HS2ST1: variants seen among roughly 807,000 people sequenced by gnomAD.
HS2ST1 encodes 2-O-sulfotransferase.
In HS2ST1, 18 loss-of-function variants were observed where a neutral mutation model predicts 42.9. That is an observed-to-expected ratio of 0.42 (90% CI 0.29 to 0.62). The LOEUF is 0.62. HS2ST1 is among the 20% of genes least tolerant of loss of function. The pLI, the probability that HS2ST1 is intolerant of heterozygous loss-of-function variation, is 0.21. For synonymous variants in HS2ST1, 146 were observed against 152.9 expected, an observed-to-expected ratio of 0.95 and a Z score of 0.33; for missense variants, 334 against 433.8, an observed-to-expected ratio of 0.77 and a Z score of 2.04.
chr1:86,976,612 A>G (rs1036392391), intron 1 of HS2ST1, among the ~76,000 whole-genome samples: 1 of 150,416 alleles, frequency 6.6e-6, no homozygotes, highest in Non-Finnish European at 1.5e-5. Flanking sequence ...AACATATTCA[A>G]ATTAAATGCT....
rs1016957050 is a variant in HS2ST1 at position 86,914,730 on chromosome 1, G to T, written c.-307G>T. On this transcript the variant is annotated 5_prime_UTR_variant, in exon 1 of 7. Coordinates refer to ENST00000370550, the MANE Select transcript of HS2ST1 (RefSeq NM_012262.4). Reference sequence around the variant, plus strand: ...GGCGGGCAAGCAGGCGGGCGCGGGGGTCGGGGACTGAGGCAGTAGAGGGAG... The same window carrying T: ...GGCGGGCAAGCAGGCGGGCGCGGGGTTCGGGGACTGAGGCAGTAGAGGGAG... 12 of 375,972 alleles carry T rather than the reference G, an allele frequency of 3.2e-5. No individual in the cohort carries two copies. The highest frequency in any genetic ancestry group is 5.3e-5 in the Non-Finnish European group (11 of 206,114). The allele number at this position is 375,972 out of a possible 1,614,324, so 23.3% of individuals were successfully genotyped here.
intron 1 of HS2ST1, chr1:87,045,498 C>T: frequency 4.4e-6 from 4 of 910,584 alleles, no homozygotes; most frequent in South Asian, 2.6e-5. Context: ...TTCAGCCGTA[C>T]AGTCACCTGG....
chr1:87,058,340 T>G (rs1651029319), intron 1 of HS2ST1, among the ~76,000 whole-genome samples: 1 of 151,798 alleles, frequency 6.6e-6, no homozygotes, highest in African/African-American at 2.4e-5. Context: ...TTTTCTGGAG[T>G]AATGCTACAA....
At chr1:87,012,095 A>G (rs1469753797) in intron 1 of HS2ST1, among the ~76,000 whole-genome samples, 2 of 152,206 alleles carry the variant, frequency 1.3e-5, no homozygotes, top group Non-Finnish European at 2.9e-5. Flanking sequence ...ATGTCCACTA[A>G]TGCTTAAGGT....
In HS2ST1 at chr1:86,914,983, G is replaced by A; in HGVS notation, c.-54G>A. On this transcript the variant is annotated 5_prime_UTR_variant, in exon 1 of 7. Coordinates refer to ENST00000370550, the MANE Select transcript of HS2ST1 (RefSeq NM_012262.4). The stretch of plus-strand genomic sequence containing the variant: ...TCCTCCCGGCGTCTCTCTCGCCTCC[G>A]GGGTCCCGCTCCCCGCCCCCCGCGG... The A allele has an allele frequency of 6.2e-7, 1 of 1,608,154 alleles. No homozygotes were observed. Among genetic ancestry groups the A allele is most frequent in the Non-Finnish European group, 8.5e-7 (1 of 1,178,456 alleles).
intron 4 of HS2ST1, among the ~76,000 whole-genome samples, chr1:87,096,016 C>A (rs1196576139): frequency 2.8e-5 from 4 of 144,656 alleles, no homozygotes; most frequent in African/African-American, 1.0e-4. Flanking sequence ...TTGTTTTGAA[C>A]CCTGAGAAGC....
intron 1 of HS2ST1, among the ~76,000 whole-genome samples, chr1:86,979,752 TTCTA>T (rs760773413): frequency 1.3e-5 from 2 of 152,218 alleles, no homozygotes; most frequent in Admixed American, 6.5e-5. Context: ...CATACGGTAA[TTCTA>T]TCTTTCACTT....
intron 3 of HS2ST1, among the ~76,000 whole-genome samples, chr1:87,090,897 T>G (rs893492368): frequency 6.6e-6 from 1 of 151,996 alleles, no homozygotes; most frequent in Non-Finnish European, 1.5e-5. Context: ...TCCAGAACAC[T>G]TTCTCACAGA....
chr1:86,959,277 G>A lies in HS2ST1; in HGVS notation c.124+44117G>A, dbSNP rs569024194. On this transcript the variant is annotated intron_variant, in intron 1 of 6. Coordinates refer to ENST00000370550, the MANE Select transcript of HS2ST1 (RefSeq NM_012262.4). ...AGAAAATAAAAGGTATACCGATTGAGAAGGAAGAAATAAAACTTAATTCAC... is the reference window on the plus strand; with the variant it reads ...AGAAAATAAAAGGTATACCGATTGAAAAGGAAGAAATAAAACTTAATTCAC... Among the ~76,000 whole-genome samples the A allele has an allele frequency of 2.6e-5, 4 of 152,336 alleles. No homozygotes were observed. In the South Asian group the frequency reaches 8.3e-4, roughly 32 times the overall value.
chr1:87,051,457 T>TA, intron 1 of HS2ST1, among the ~76,000 whole-genome samples: 1 of 152,310 alleles, frequency 6.6e-6, no homozygotes, highest in African/African-American at 2.4e-5. Flanking sequence ...TTAATGGATT[T>TA]AAAAAGCTAA....
chr1:87,017,747 T>A (rs993014072), intron 1 of HS2ST1, among the ~76,000 whole-genome samples: 19 of 152,204 alleles, frequency 1.2e-4, no homozygotes, highest in Non-Finnish European at 1.9e-4. Context: ...TATTTTTGAT[T>A]TTTGATATAT....
rs1170890286 is a variant in HS2ST1, at chr1:86,990,828, ATATATATATTTTTTT to A, written c.124+75670_124+75684del. Among the ~76,000 whole-genome samples, 11 of 17,788 alleles carry A rather than the reference ATATATATATTTTTTT, an allele frequency of 6.2e-4. No individual in the cohort carries two copies. The East Asian group carries it at 0.036, about 58-fold the overall frequency. 11.7% of individuals were successfully genotyped at this position (17,788 alleles called of 152,430 possible). A position where few individuals can be genotyped will look rare whatever the true frequency, so the allele number is the denominator to read the frequency against. On this transcript the variant is annotated intron_variant, in intron 1 of 6. Transcript: ENST00000370550. ...TGGCTAATTTTATATATATATATAT[ATATATATATTTTTTT>A]TTTTTTTTTTTTTTTTAGTAGAGAT...
chr1:87,020,322 C>T (rs1649904641), intron 1 of HS2ST1, among the ~76,000 whole-genome samples: 1 of 152,128 alleles, frequency 6.6e-6, no homozygotes, highest in Non-Finnish European at 1.5e-5. Flanking sequence ...ATATTTGCCT[C>T]TATTACACTG....
intron 1 of HS2ST1, among the ~76,000 whole-genome samples, chr1:86,952,684 A>G (rs1445645018): frequency 6.6e-6 from 1 of 152,244 alleles, no homozygotes; most frequent in Non-Finnish European, 1.5e-5. Flanking sequence ...AATGAGCAGT[A>G]ACATTTTGAG....
At chr1:87,028,742 T>C (rs998374495) in intron 1 of HS2ST1, among the ~76,000 whole-genome samples, 5 of 152,226 alleles carry the variant, frequency 3.3e-5, no homozygotes, top group African/African-American at 9.6e-5. Context: ...AAAGAGCAGG[T>C]ACTGGATAGT....
chr1:87,017,974 T>G (rs1397916277), intron 1 of HS2ST1, among the ~76,000 whole-genome samples: 1 of 152,042 alleles, frequency 6.6e-6, no homozygotes, highest in African/African-American at 2.4e-5. Context: ...GTTTAAGGAA[T>G]TGATTTTACC....
intron 1 of HS2ST1, among the ~76,000 whole-genome samples, chr1:87,034,026 GA>G (rs1220088546): frequency 6.6e-6 from 1 of 152,098 alleles, no homozygotes; most frequent in Non-Finnish European, 1.5e-5. Context: ...ATTGTCTAAT[GA>G]GTAATATTTT....
At chr1:86,980,677 ATT>A (rs1648551819) in intron 1 of HS2ST1, among the ~76,000 whole-genome samples, 1 of 152,180 alleles carries the variant, frequency 6.6e-6, no homozygotes, top group South Asian at 2.1e-4. Context: ...GCTTATTGTG[ATT>A]TATACCAAGT....
chr1:86,940,334 A>C (rs1329044217), intron 1 of HS2ST1, among the ~76,000 whole-genome samples: 1 of 152,238 alleles, frequency 6.6e-6, no homozygotes, highest in Non-Finnish European at 1.5e-5. Context: ...TGGTCTCGCC[A>C]CTGCATTCCA....
Sources: allele counts gnomAD v4.1 joint callset (sites outside exome capture counted in the v4.1 genomes callset), GRCh38; gene constraint gnomAD v4.1.1; transcripts MANE v1.5; gene names NCBI Gene and HGNC (gene_info 2026-07-23, HGNC 2026-07-21).